The following ARHGAP15 variants were observed in gnomAD, a reference collection of about 807,000 sequenced individuals.
ARHGAP15 encodes Rho GTPase activating protein 15.
In ARHGAP15, 51 loss-of-function variants were observed where a neutral mutation model predicts 63.7. The ratio of observed to expected loss-of-function variants is 0.80; its 90% CI spans 0.64 to 1.01. ARHGAP15 has a LOEUF of 1.01. Ranked by LOEUF, ARHGAP15 falls within the 50% of genes least tolerant of loss-of-function variation. The probability of loss-of-function intolerance (pLI) is 0.00; values close to 1 mark genes in which losing one functional copy is unlikely to be tolerated. For missense variants in ARHGAP15, 560 were observed against 564.6 expected, an observed-to-expected ratio of 0.99 and a Z score of 0.08; for synonymous variants, 191 against 193.8, an observed-to-expected ratio of 0.99 and a Z score of 0.12.
intron 6 of ARHGAP15, among the ~76,000 whole-genome samples, chr2:143,370,120 G>C (rs1045789802): frequency 6.6e-6 from 1 of 152,046 alleles, no homozygotes; most frequent in Non-Finnish European, 1.5e-5. Flanking sequence ...AAACTGAACT[G>C]TAAGAACCCT....
At chr2:143,632,378 TAGG>T (rs1167822470) in intron 12 of ARHGAP15, among the ~76,000 whole-genome samples, 2 of 152,126 alleles carry the variant, frequency 1.3e-5, no homozygotes, top group Non-Finnish European at 2.9e-5. Context: ...TATGTATGCA[TAGG>T]ACACAGAGAT....
chr2:143,216,621 C>A (rs972541729), intron 4 of ARHGAP15, among the ~76,000 whole-genome samples, 176 bp downstream of exon 4: 13 of 152,146 alleles, frequency 8.5e-5, no homozygotes, highest in Non-Finnish European at 1.9e-4. Flanking sequence ...TAAAGAAAGG[C>A]ACTACATTCT....
chr2:143,260,426 T>C (rs935489141), intron 6 of ARHGAP15, among the ~76,000 whole-genome samples: 2 of 152,154 alleles, frequency 1.3e-5, no homozygotes, highest in African/African-American at 4.8e-5. Context: ...CTTTGAAGAT[T>C]ATAGGAGATA....
intron 12 of ARHGAP15, among the ~76,000 whole-genome samples, chr2:143,674,397 C>T (rs185535135): frequency 2.2e-4 from 33 of 152,208 alleles, no homozygotes; most frequent in Admixed American, 2.1e-3. Flanking sequence ...TACATTATTC[C>T]GTTTATAAAA....
At chr2:143,678,518 A>C (rs1024288427) in intron 12 of ARHGAP15, among the ~76,000 whole-genome samples, 1 of 152,200 alleles carries the variant, frequency 6.6e-6, no homozygotes, top group Non-Finnish European at 1.5e-5. Context: ...AACAGCGAGC[A>C]TTAGCCTGTG....
At chr2:143,298,402 C>T (rs1046796622) in intron 6 of ARHGAP15, among the ~76,000 whole-genome samples, 1 of 151,942 alleles carries the variant, frequency 6.6e-6, no homozygotes, top group African/African-American at 2.4e-5. Flanking sequence ...TTTACCTTAT[C>T]ATTATAACAT....
chr2:143,151,746 G>A (rs1159159453), intron 1 of ARHGAP15, among the ~76,000 whole-genome samples: 6 of 151,890 alleles, frequency 4.0e-5, no homozygotes, highest in African/African-American at 1.4e-4. Context: ...GGGGGAAACT[G>A]GGGAGTTGAA....
intron 3 of ARHGAP15, among the ~76,000 whole-genome samples, chr2:143,208,060 C>T (rs1045500477): frequency 1.3e-5 from 2 of 152,080 alleles, no homozygotes; most frequent in Non-Finnish European, 2.9e-5. Flanking sequence ...CCAGGATGAG[C>T]TATCATATAT....
intron 6 of ARHGAP15, among the ~76,000 whole-genome samples, chr2:143,253,513 CA>C (rs1207793860): frequency 6.6e-6 from 1 of 151,998 alleles, no homozygotes; most frequent in Admixed American, 6.6e-5. Context: ...TATGTGGAAA[CA>C]TAACAATGAC....
chr2:143,250,411 C>A, intron 5 of ARHGAP15, 100 bp from the exon 6 acceptor site: 3 of 852,504 alleles, frequency 3.5e-6, no homozygotes, highest in Admixed American at 2.8e-5. Flanking sequence ...GGCATTATAT[C>A]ATAAATATGT....
intron 9 of ARHGAP15, among the ~76,000 whole-genome samples, chr2:143,502,301 C>T (rs1222793066): frequency 6.6e-6 from 1 of 151,654 alleles, no homozygotes; most frequent in Non-Finnish European, 1.5e-5. Flanking sequence ...CCCAGCTACT[C>T]GGGAGGCTGA....
chr2:143,415,176 A>G (rs1428810275), intron 6 of ARHGAP15, among the ~76,000 whole-genome samples: 1 of 152,228 alleles, frequency 6.6e-6, no homozygotes, highest in Non-Finnish European at 1.5e-5. Context: ...CACAATAAAG[A>G]AGAAAAATCA....
chr2:143,166,064 A>AG (rs200909201), intron 2 of ARHGAP15, among the ~76,000 whole-genome samples: 50,652 of 151,288 alleles, frequency 0.33, 9,056 homozygotes, highest in Middle Eastern at 0.46. Context: ...AAAGAAAGAA[A>AG]AAAAATATCT....
intron 2 of ARHGAP15, among the ~76,000 whole-genome samples, chr2:143,186,664 G>A (rs1215703478): frequency 6.6e-6 from 1 of 152,112 alleles, no homozygotes; most frequent in African/African-American, 2.4e-5. Flanking sequence ...ATGAACCACA[G>A]AGGATTCTGT....
intron 6 of ARHGAP15, among the ~76,000 whole-genome samples, chr2:143,410,468 T>C (rs10048784): frequency 0.68 from 104,001 of 152,090 alleles, 35,943 homozygotes; most frequent in Admixed American, 0.78. Context: ...ACCTATAGTC[T>C]ATCCTGGAGG....
At chr2:143,201,996 C>T in intron 2 of ARHGAP15, 138 bp from the exon 3 acceptor site, 2 of 721,660 alleles carry the variant, frequency 2.8e-6, no homozygotes, top group Non-Finnish European at 4.9e-6. Flanking sequence ...TAGTCAATGT[C>T]CAAAACATTT....
chr2:143,363,924 A>C (rs1686175340), intron 6 of ARHGAP15, among the ~76,000 whole-genome samples: 1 of 152,216 alleles, frequency 6.6e-6, no homozygotes, highest in South Asian at 2.1e-4. Flanking sequence ...TCAAGTTTGA[A>C]CAGTGAAACT....
At chr2:143,713,044 C>T (rs984632165) in intron 13 of ARHGAP15, among the ~76,000 whole-genome samples, 2 of 152,104 alleles carry the variant, frequency 1.3e-5, no homozygotes, top group African/African-American at 4.8e-5. Flanking sequence ...CTTCATTGAA[C>T]AAGATGATAA....
intron 6 of ARHGAP15, among the ~76,000 whole-genome samples, chr2:143,280,997 G>C (rs376596062): frequency 2.4e-4 from 37 of 152,218 alleles, no homozygotes; most frequent in African/African-American, 8.2e-4. Context: ...ATTAGCAGTA[G>C]AGCCATGTTT....
Sources: gnomAD v4.1 joint callset for allele counts (sites outside exome capture counted in the v4.1 genomes callset) on GRCh38, gnomAD v4.1.1 for gene constraint, MANE v1.5 for transcripts, NCBI Gene and HGNC (gene_info 2026-07-23, HGNC 2026-07-21) for gene names.